Variants in KIAA0825 observed in about 807,000 individuals in gnomAD.
KIAA0825 encodes KIAA0825.
Under a neutral mutation model 147.6 loss-of-function variants are expected in KIAA0825, and 119 were observed. The ratio of observed to expected loss-of-function variants is 0.81; its 90% CI spans 0.69 to 0.94. KIAA0825 has a LOEUF of 0.94. Ranked by LOEUF, KIAA0825 falls within the 40% of genes least tolerant of loss-of-function variation. The probability of loss-of-function intolerance (pLI) is 0.00; values close to 1 mark genes in which losing one functional copy is unlikely to be tolerated. For missense variants in KIAA0825, 1,381 were observed against 1,472.7 expected (o/e 0.94, Z 1.02); for synonymous variants, 470 against 518.1 (o/e 0.91, Z 1.26).
At chr5:94,547,288 T>G (rs1774597469) in intron 2 of KIAA0825, among the ~76,000 whole-genome samples, 1 of 151,986 alleles carries the variant, frequency 6.6e-6, no homozygotes, top group Admixed American at 6.6e-5. Flanking sequence ...GGCAGAAAGT[T>G]TATTGAAAGA....
chr5:94,161,814 AC>A (rs1767613123), intron 20 of KIAA0825, among the ~76,000 whole-genome samples: 1 of 152,182 alleles, frequency 6.6e-6, no homozygotes, highest in South Asian at 2.1e-4. Flanking sequence ...TCAACTATTA[AC>A]AGTTTTCTCT....
chr5:94,391,921 C>T (rs1019223330), intron 17 of KIAA0825, among the ~76,000 whole-genome samples: 3 of 152,216 alleles, frequency 2.0e-5, no homozygotes, highest in African/African-American at 7.2e-5. Flanking sequence ...TCTTCTAAAA[C>T]ATGTCTTTAC....
chr5:94,614,929 C>A lies in KIAA0825; in HGVS notation c.-153+3571G>T, dbSNP rs567759141. 3.3e-5 allele frequency among the ~76,000 whole-genome samples: 5 copies of A among 152,090 alleles called. No individual in the cohort carries two copies. In the South Asian group the frequency reaches 1.0e-3, roughly 31 times the overall value. The stretch of plus-strand genomic sequence containing the variant: ...AAAAGAATCAATATTTATTTATCAG[C>A]AATTGTGTATCAGACAACACGTTTG... On this transcript the variant is annotated intron_variant, in intron 1 of 20. Transcript: ENST00000682413.
At chr5:94,529,616 C>T (rs1327836335) in intron 3 of KIAA0825, among the ~76,000 whole-genome samples, 2 of 151,874 alleles carry the variant, frequency 1.3e-5, no homozygotes, top group African/African-American at 4.8e-5. Flanking sequence ...ATCAAGATAG[C>T]TTTCCTCTAA....
intron 20 of KIAA0825, among the ~76,000 whole-genome samples, chr5:94,198,279 A>G (rs1386487028): frequency 6.6e-6 from 1 of 152,064 alleles, no homozygotes; most frequent in Non-Finnish European, 1.5e-5. Context: ...CAGTGTTTAG[A>G]AATGCTACTG....
intron 5 of KIAA0825, among the ~76,000 whole-genome samples, chr5:94,507,666 AAAGT>A (rs1345596483): frequency 6.6e-6 from 1 of 152,148 alleles, no homozygotes; most frequent in Admixed American, 6.5e-5. Context: ...AATCCAATGA[AAAGT>A]TCAAAGAAAT....
At chr5:94,592,743 T>A (rs1341580451) in intron 1 of KIAA0825, 7 of 320,580 alleles carry the variant, frequency 2.2e-5, no homozygotes, top group Middle Eastern at 6.7e-4. Context: ...GACGGTTTTG[T>A]TTACCTAAGA....
At position 94,305,001 on chromosome 5, in the gene KIAA0825, A is replaced by T. The variant is rs201893814; in HGVS notation, c.3710+79367T>A. 2.7e-4 allele frequency among the ~76,000 whole-genome samples: 41 copies of T among 152,184 alleles called. 1 individual carries two copies. The East Asian group carries it at 7.6e-3, about 28-fold the overall frequency. On this transcript the variant is annotated intron_variant, in intron 20 of 20. Transcript: ENST00000682413. ...CACCTTATACCATAAACAAGTTTTT[A>T]AAACATACCTTTAAAAAAGGCTAAG...
chr5:94,248,182 A>G (rs895339833), intron 20 of KIAA0825, among the ~76,000 whole-genome samples: 6 of 152,280 alleles, frequency 3.9e-5, no homozygotes, highest in Admixed American at 1.3e-4. Context: ...AAGCTACTTG[A>G]CAATGATTAC....
chr5:94,403,287 C>T (rs1435202858), intron 16 of KIAA0825, among the ~76,000 whole-genome samples: 1 of 152,138 alleles, frequency 6.6e-6, no homozygotes. Context: ...TAGTCAAAAT[C>T]ATGTCACCAA....
At chr5:94,220,077 ATTCT>A (rs1307870991) in intron 20 of KIAA0825, among the ~76,000 whole-genome samples, 1 of 152,174 alleles carries the variant, frequency 6.6e-6, no homozygotes, top group Non-Finnish European at 1.5e-5. Context: ...TGTGCAAAAA[ATTCT>A]TTCTCCATAT....
intron 20 of KIAA0825, among the ~76,000 whole-genome samples, chr5:94,168,623 C>A (rs1768292336): frequency 6.6e-6 from 1 of 152,156 alleles, no homozygotes; most frequent in South Asian, 2.1e-4. Flanking sequence ...TTAGAGACTT[C>A]ATTTCCACCA....
At chr5:94,246,590 G>T (rs1775626092) in intron 20 of KIAA0825, among the ~76,000 whole-genome samples, 1 of 152,098 alleles carries the variant, frequency 6.6e-6, no homozygotes, top group Non-Finnish European at 1.5e-5. Context: ...TATAGTAATT[G>T]TCCCCTTTGT....
chr5:94,565,403 G>A (rs1028154028), intron 2 of KIAA0825, among the ~76,000 whole-genome samples: 11 of 148,042 alleles, frequency 7.4e-5, no homozygotes, highest in Admixed American at 1.4e-4. Flanking sequence ...GTGCAGTGGT[G>A]CAATCTCAGC....
At chr5:94,280,256 C>T (rs181854663) in intron 20 of KIAA0825, among the ~76,000 whole-genome samples, 18 of 152,124 alleles carry the variant, frequency 1.2e-4, no homozygotes, top group African/African-American at 4.3e-4. Flanking sequence ...CAGAATCAAA[C>T]CCCAGGTTTC....
intron 15 of KIAA0825, among the ~76,000 whole-genome samples, chr5:94,405,920 ATTTATT>A (rs773062225): frequency 6.1e-4 from 92 of 151,780 alleles, no homozygotes; most frequent in Non-Finnish European, 1.1e-3. Flanking sequence ...TTATTTATTT[ATTTATT>A]TTTATTTTTA....
chr5:94,453,276 G>A (rs769854453), intron 12 of KIAA0825, among the ~76,000 whole-genome samples: 3 of 151,780 alleles, frequency 2.0e-5, no homozygotes, highest in Admixed American at 1.3e-4. Flanking sequence ...AGGGTCAAGC[G>A]ATTCTCCTGC....
At chr5:94,223,803 T>A (rs1358018021) in intron 20 of KIAA0825, among the ~76,000 whole-genome samples, 2 of 152,148 alleles carry the variant, frequency 1.3e-5, no homozygotes, top group African/African-American at 2.4e-5. Flanking sequence ...AATTTTTGTC[T>A]TGTAGAAATA....
chr5:94,387,346 A>G (rs1749295771), intron 18 of KIAA0825, among the ~76,000 whole-genome samples: 1 of 152,120 alleles, frequency 6.6e-6, no homozygotes, highest in Non-Finnish European at 1.5e-5. Flanking sequence ...CTCACCTGGG[A>G]GCTTGTTAGA....
Sources: allele counts gnomAD v4.1 joint callset (sites outside exome capture counted in the v4.1 genomes callset), GRCh38; gene constraint gnomAD v4.1.1; transcripts MANE v1.5; gene names NCBI Gene and HGNC (gene_info 2026-07-23, HGNC 2026-07-21).